ZNF680: variants seen among roughly 807,000 people sequenced by gnomAD.
ZNF680 encodes zinc finger protein 680.
Under a neutral mutation model 12.1 loss-of-function variants are expected in ZNF680, and 6 were observed. The ratio of observed to expected loss-of-function variants is 0.49; its 90% CI spans 0.27 to 0.98. The LOEUF (loss-of-function observed/expected upper bound fraction) is 0.98. Among genes scored for constraint, ZNF680 ranks in the 50% least tolerant of loss-of-function variants. The pLI is 0.12. For synonymous variants in ZNF680, 170 were observed against 199.3 expected, an observed-to-expected ratio of 0.85 and a Z score of 1.24; for missense variants, 561 against 616.3, an observed-to-expected ratio of 0.91 and a Z score of 0.95.
chr7:64,514,516 G>A, the ZNF680 span, among the ~76,000 whole-genome samples: 1 of 151,768 alleles, frequency 6.6e-6, no homozygotes, highest in African/African-American at 2.4e-5. Flanking sequence ...TCCAATGCAG[G>A]TTTCTCATAA....
chr7:64,554,060 G>A (rs1387512386), intron 1 of ZNF680, among the ~76,000 whole-genome samples: 1 of 151,524 alleles, frequency 6.6e-6, no homozygotes, highest in Non-Finnish European at 1.5e-5. Flanking sequence ...TCTGGGATGT[G>A]AGGAGCCCCT....
At chr7:64,561,457 T>TGATAA in intron 1 of ZNF680, among the ~76,000 whole-genome samples, 1 of 152,212 alleles carries the variant, frequency 6.6e-6, no homozygotes, top group Non-Finnish European at 1.5e-5. Context: ...CCCAAAATTC[T>TGATAA]GATAAGATCT....
At chr7:64,531,399 C>T (rs1474278298) in intron 3 of ZNF680, among the ~76,000 whole-genome samples, 1 of 151,822 alleles carries the variant, frequency 6.6e-6, no homozygotes, top group Non-Finnish European at 1.5e-5. Flanking sequence ...ATCAAGACCA[C>T]CCTGGCTAAC....
At chr7:64,550,453 C>T (rs1253965237) in intron 1 of ZNF680, among the ~76,000 whole-genome samples, 1 of 152,120 alleles carries the variant, frequency 6.6e-6, no homozygotes, top group Non-Finnish European at 1.5e-5. Context: ...ATCTCAAGAT[C>T]CCGATTCAGA....
chr7:64,531,693 T>C (rs1396485183), intron 3 of ZNF680, among the ~76,000 whole-genome samples: 1 of 151,598 alleles, frequency 6.6e-6, no homozygotes. Flanking sequence ...TGAATGATCA[T>C]TGGGTCAAAA....
intron 3 of ZNF680, among the ~76,000 whole-genome samples, chr7:64,541,689 T>C (rs1786509497): frequency 6.6e-6 from 1 of 152,132 alleles, no homozygotes; most frequent in Non-Finnish European, 1.5e-5. Flanking sequence ...GACCAGGAAA[T>C]GGCCCACCAA....
chr7:64,539,704 G>A (rs556609139), intron 3 of ZNF680, among the ~76,000 whole-genome samples: 1 of 152,290 alleles, frequency 6.6e-6, no homozygotes, highest in Non-Finnish European at 1.5e-5. Flanking sequence ...AAGCTGGAGT[G>A]CAGTGGCACA....
At chr7:64,553,639 G>C (rs966961516) in intron 1 of ZNF680, among the ~76,000 whole-genome samples, 1 of 152,234 alleles carries the variant, frequency 6.6e-6, no homozygotes, top group African/African-American at 2.4e-5. Flanking sequence ...ATGCCAAGCC[G>C]AGGCTGGACT....
downstream of ZNF680, among the ~76,000 whole-genome samples, chr7:64,518,108 A>G (rs1791391265): frequency 6.6e-6 from 1 of 152,032 alleles, no homozygotes; most frequent in African/African-American, 2.4e-5. Flanking sequence ...GAAAGAAATA[A>G]AGGGCATCCA....
chr7:64,522,594 A>C, intron 3 of ZNF680, 94 bp from the exon 4 acceptor site: 10 of 971,298 alleles, frequency 1.0e-5, no homozygotes, highest in Non-Finnish European at 1.4e-5. Flanking sequence ...AAACTACATA[A>C]GCAAAATACA....
chr7:64,501,849 T>C, the ZNF680 span: 1 of 548,782 alleles, frequency 1.8e-6, no homozygotes, highest in Non-Finnish European at 3.4e-6. Context: ...ATTGTCCTTG[T>C]CTTTCCCATG....
At chr7:64,537,627 G>A (rs900408813) in intron 3 of ZNF680, among the ~76,000 whole-genome samples, 6 of 152,168 alleles carry the variant, frequency 3.9e-5, no homozygotes, top group African/African-American at 1.4e-4. Context: ...CATATAAAGA[G>A]ATAAAAAACA....
intron 3 of ZNF680, among the ~76,000 whole-genome samples, chr7:64,524,250 C>T (rs923078726): frequency 3.3e-5 from 5 of 150,810 alleles, no homozygotes; most frequent in African/African-American, 4.9e-5. Context: ...CGGGTTCAAG[C>T]GATTCTCCTG....
Position 64,522,273 on chromosome 7 carries a change from T to C in ZNF680, c.481A>G (p.Lys161Glu). The C allele has an allele frequency of 6.2e-7, 1 of 1,613,142 alleles. No homozygotes were observed. The highest frequency in any genetic ancestry group is 8.5e-7 in the Non-Finnish European group (1 of 1,179,492). ...SKIFQCDKYV[K>E]VFHKFSNSNS... is the part of the protein sequence containing the mutation. ...GAATTTGAAAATTTATGAAAGACTT[T>C]CACGTATTTATCACATTGAAATATT... is the stretch of plus-strand genomic sequence containing the variant. The change falls in exon 4 of 4, where the codon AAA (lysine) becomes GAA (glutamate). Residue 161 changes from lysine (K) to glutamate (E), a missense_variant. Physicochemically the swap from Lys to Glu is moderately conservative, Grantham distance 56. Coordinates refer to ENST00000309683, the MANE Select transcript of ZNF680 (RefSeq NM_178558.5).
the ZNF680 span, among the ~76,000 whole-genome samples, chr7:64,511,866 C>A: frequency 1.3e-5 from 2 of 150,892 alleles, no homozygotes; most frequent in African/African-American, 4.9e-5. Flanking sequence ...TGAGACCAGC[C>A]TGGCCAACAT....
intron 3 of ZNF680, among the ~76,000 whole-genome samples, chr7:64,533,546 G>A (rs1216331472): frequency 6.6e-6 from 1 of 152,086 alleles, no homozygotes; most frequent in Non-Finnish European, 1.5e-5. Context: ...CACATTTTAT[G>A]CTTATGGATA....
chr7:64,519,731 A>AT (rs1270601808), downstream of ZNF680, among the ~76,000 whole-genome samples: 2 of 151,868 alleles, frequency 1.3e-5, no homozygotes, highest in African/African-American at 4.8e-5. Flanking sequence ...GGAGGACAGC[A>AT]TATTAGTTGA....
chr7:64,555,345 C>CA (rs34359779), intron 1 of ZNF680, among the ~76,000 whole-genome samples: 51,186 of 147,522 alleles, frequency 0.35, 9,029 homozygotes, highest in African/African-American at 0.41. Context: ...AATTCAATAC[C>CA]AAAAAAAAAA....
chr7:64,509,961 T>TGCA, the ZNF680 span, among the ~76,000 whole-genome samples: 1 of 150,314 alleles, frequency 6.7e-6, no homozygotes, highest in Non-Finnish European at 1.5e-5. Flanking sequence ...ACAGACCATC[T>TGCA]GCAGTCTATA....
Sources: allele counts gnomAD v4.1 joint callset (sites outside exome capture counted in the v4.1 genomes callset), GRCh38; gene constraint gnomAD v4.1.1; transcripts MANE v1.5; gene names NCBI Gene and HGNC (gene_info 2026-07-23, HGNC 2026-07-21).